ROBO2: variants seen among roughly 807,000 people sequenced by gnomAD.
ROBO2 encodes the protein roundabout homolog 2.
A neutral mutation model predicts 160.8 loss-of-function variants in ROBO2; 53 were observed. That is an observed-to-expected ratio of 0.33 (90% CI 0.26 to 0.41). The LOEUF (loss-of-function observed/expected upper bound fraction) is 0.41. Ranked by LOEUF, ROBO2 falls within the 10% of genes least tolerant of loss-of-function variation. The pLI, the probability that ROBO2 is intolerant of heterozygous loss-of-function variation, is 1.00. For missense variants in ROBO2, 1,577 were observed against 1,722.4 expected (o/e 0.92, Z 1.49); for synonymous variants, 664 against 611.7 (o/e 1.09, Z -1.26).
rs888954753 is a variant in ROBO2, at chr3:76,871,368, A to C, written c.110-226646A>C. Among the ~76,000 whole-genome samples, 10 of 151,294 alleles carry C rather than the reference A, an allele frequency of 6.6e-5. No homozygotes were observed. In the South Asian group the frequency reaches 1.3e-3, roughly 19 times the overall value. On this transcript the variant is annotated intron_variant, in intron 2 of 26. Coordinates refer to the ROBO2 transcript ENST00000487694. The stretch of plus-strand genomic sequence containing the variant: ...AGGAGATCGAGACCATCCCGGCTAA[A>C]ACGGTGAAACCCCGTCTCTACTAAA...
chr3:76,566,369 G>T (rs532267493), intron 2 of ROBO2, among the ~76,000 whole-genome samples: 2 of 152,108 alleles, frequency 1.3e-5, no homozygotes, highest in African/African-American at 2.4e-5. Context: ...GAGGCCTTAC[G>T]GTCTCCCTAG....
intron 2 of ROBO2, among the ~76,000 whole-genome samples, chr3:77,318,117 G>A (rs1346776218): frequency 6.6e-6 from 1 of 151,508 alleles, no homozygotes; most frequent in East Asian, 1.9e-4. Flanking sequence ...GCATAGTCTC[G>A]GCTCACTGCA....
chr3:76,869,648 C>G (rs557911619), intron 2 of ROBO2, among the ~76,000 whole-genome samples: 1 of 151,934 alleles, frequency 6.6e-6, no homozygotes, highest in Non-Finnish European at 1.5e-5. Flanking sequence ...CGCGCCCGGC[C>G]GATCTTTTTT....
At chr3:76,199,730 C>T (rs755111461) in intron 2 of ROBO2, among the ~76,000 whole-genome samples, 8 of 152,284 alleles carry the variant, frequency 5.3e-5, no homozygotes, top group Middle Eastern at 3.4e-3. Context: ...TTTGTTCCCA[C>T]TTCCAATTTA....
chr3:77,164,071 T>G (rs1028907134), intron 2 of ROBO2, among the ~76,000 whole-genome samples: 4 of 152,178 alleles, frequency 2.6e-5, no homozygotes, highest in Non-Finnish European at 2.9e-5. Context: ...AGATGCTACA[T>G]GAATGTTGAT....
intron 9 of ROBO2, among the ~76,000 whole-genome samples, chr3:77,562,153 A>G (rs2093342153): frequency 6.6e-6 from 1 of 152,180 alleles, no homozygotes; most frequent in Non-Finnish European, 1.5e-5. Context: ...CATGTCTTTC[A>G]AAAGAAAGAA....
At chr3:77,180,416 C>CTCTCTCTCTCTCTCTATATA (rs1433740534) in intron 2 of ROBO2, among the ~76,000 whole-genome samples, 28 of 90,722 alleles carry the variant, frequency 3.1e-4, no homozygotes, top group Admixed American at 6.6e-4. Context: ...CTCTCTCTCT[C>CTCTCTCTCTCTCTCTATATA]TATATATATA....
At chr3:76,930,414 G>T (rs13433750) in intron 2 of ROBO2, among the ~76,000 whole-genome samples, 1 of 151,990 alleles carries the variant, frequency 6.6e-6, no homozygotes, top group African/African-American at 2.4e-5. Flanking sequence ...CTGTGCTATA[G>T]AAAATTACCA....
At chr3:77,038,177 CT>C (rs35906006), upstream of ROBO2, among the ~76,000 whole-genome samples, 1 of 152,080 alleles carries the variant, frequency 6.6e-6, no homozygotes, top group Admixed American at 6.6e-5. Flanking sequence ...ACGGTTAAGC[CT>C]TTTTTCACGG....
exon 12 of ROBO2, chr3:77,564,989 A>T: frequency 6.2e-7 from 1 of 1,613,586 alleles, no homozygotes; most frequent in Admixed American, 1.7e-5. Context: ...ACCGTGGCAA[A>T]CCATGTAAAG....
chr3:77,240,867 A>T (rs1400076173), intron 2 of ROBO2, among the ~76,000 whole-genome samples: 1 of 152,250 alleles, frequency 6.6e-6, no homozygotes, highest in East Asian at 1.9e-4. Context: ...ATCTAACTTT[A>T]TAAAGCAGCC....
At chr3:76,948,900 ATATATATATT>A (rs1422223379) in intron 2 of ROBO2, among the ~76,000 whole-genome samples, 658 of 41,740 alleles carry the variant, frequency 0.016, 5 homozygotes, top group African/African-American at 0.08. Context: ...ATATATATAT[ATATATATATT>A]TTTTTTTTTT....
chr3:76,232,819 A>G (rs1704701049), intron 2 of ROBO2, among the ~76,000 whole-genome samples: 1 of 152,050 alleles, frequency 6.6e-6, no homozygotes, highest in Admixed American at 6.6e-5. Flanking sequence ...AACTATTTCA[A>G]ACCTTTCACT....
chr3:76,442,718 G>C (rs138413247), intron 2 of ROBO2, among the ~76,000 whole-genome samples: 6 of 152,216 alleles, frequency 3.9e-5, no homozygotes, highest in Admixed American at 3.9e-4. Flanking sequence ...CCCGGTTAGT[G>C]AATCACCCCT....
chr3:76,132,252 T>C (rs1171237096), intron 2 of ROBO2, among the ~76,000 whole-genome samples: 4 of 152,100 alleles, frequency 2.6e-5, no homozygotes, highest in African/African-American at 9.6e-5. Context: ...TAGGATCAAA[T>C]TGTGGCAATA....
chr3:76,854,544 G>A (rs1389564867), intron 2 of ROBO2, among the ~76,000 whole-genome samples: 1 of 152,128 alleles, frequency 6.6e-6, no homozygotes, highest in African/African-American at 2.4e-5. Flanking sequence ...CCAGTGGTTT[G>A]GGGATATATT....
intron 2 of ROBO2, among the ~76,000 whole-genome samples, chr3:77,101,858 G>T (rs1269578402): frequency 6.6e-6 from 1 of 152,152 alleles, no homozygotes; most frequent in African/African-American, 2.4e-5. Flanking sequence ...TGGGCAACAT[G>T]GTGAAACCCC....
At chr3:77,124,351 C>T (rs536098370) in intron 2 of ROBO2, among the ~76,000 whole-genome samples, 7 of 151,948 alleles carry the variant, frequency 4.6e-5, no homozygotes, top group South Asian at 4.2e-4. Flanking sequence ...CATTTCAAGC[C>T]GGGAAAGAGT....
intron 16 of ROBO2, among the ~76,000 whole-genome samples, chr3:77,587,896 A>T (rs560868063): frequency 6.6e-6 from 1 of 152,238 alleles, no homozygotes; most frequent in South Asian, 2.1e-4. Flanking sequence ...TAATCTGCTA[A>T]ATAAGCCAAT....
Sources: allele counts gnomAD v4.1 joint callset (sites outside exome capture counted in the v4.1 genomes callset), GRCh38; gene constraint gnomAD v4.1.1; transcripts MANE v1.5; gene names NCBI Gene and HGNC (gene_info 2026-07-23, HGNC 2026-07-21).